Variants in KCNN2 observed in about 807,000 individuals in gnomAD.
KCNN2 encodes potassium calcium-activated channel subfamily N member 2, also known as small conductance calcium-activated potassium channel protein 2.
In KCNN2, 24 loss-of-function variants were observed where a neutral mutation model predicts 55.5. The observed-to-expected ratio is 0.43, with a 90% confidence interval of 0.31 to 0.61. KCNN2 has a LOEUF of 0.61. Ranked by LOEUF, KCNN2 falls within the 20% of genes least tolerant of loss-of-function variation. KCNN2 has a pLI of 0.08. For synonymous variants in KCNN2, 431 were observed against 336.1 expected, an observed-to-expected ratio of 1.28 and a Z score of -3.09; for missense variants, 754 against 853.6, an observed-to-expected ratio of 0.88 and a Z score of 1.45.
At chr5:114,274,840 C>A (rs1755450507) in intron 2 of KCNN2, among the ~76,000 whole-genome samples, 1 of 152,132 alleles carries the variant, frequency 6.6e-6, no homozygotes, top group Non-Finnish European at 1.5e-5. Context: ...TTTCTCTTGC[C>A]TGATTGCCCT....
chr5:114,106,643 G>GTTT lies in KCNN2; in HGVS notation c.-271+50157_-271+50159dup, dbSNP rs149036166. On this transcript the variant is annotated intron_variant, in intron 1 of 10. Transcript: ENST00000512097. The stretch of plus-strand genomic sequence containing the variant: ...TAATGGCACTGAGGATTTTCCAGTT[G>GTTT]TTTTTTTTTTTTTTTTGGTCATTTG... Among the ~76,000 whole-genome samples, 375 of 69,898 alleles carry GTTT rather than the reference G, an allele frequency of 5.4e-3. 5 individuals carry two copies. Among genetic ancestry groups the GTTT allele is most frequent in the African/African-American group, 0.013 (269 of 20,008 alleles). 45.9% of individuals were successfully genotyped at this position (69,898 alleles called of 152,430 possible).
intron 3 of KCNN2, among the ~76,000 whole-genome samples, chr5:114,406,994 C>T (rs1758956315): frequency 6.6e-6 from 1 of 152,084 alleles, no homozygotes; most frequent in Admixed American, 6.5e-5. Context: ...CCATTTTCTT[C>T]TGGTATTCAG....
chr5:114,087,600 C>A (rs547527387), intron 1 of KCNN2, among the ~76,000 whole-genome samples: 1 of 151,934 alleles, frequency 6.6e-6, no homozygotes. Flanking sequence ...TGTCATAGTT[C>A]ATTCTTATTT....
intron 1 of KCNN2, among the ~76,000 whole-genome samples, chr5:114,168,064 T>G (rs183386342): frequency 1.3e-4 from 20 of 152,160 alleles, no homozygotes; most frequent in Non-Finnish European, 2.5e-4. Flanking sequence ...TGATTTATAT[T>G]CACTTGTTGA....
At chr5:114,447,683 A>G (rs1184389178) in intron 3 of KCNN2, among the ~76,000 whole-genome samples, 1 of 152,188 alleles carries the variant, frequency 6.6e-6, no homozygotes, top group East Asian at 1.9e-4. Flanking sequence ...ATGGGGAAAA[A>G]AAAAGTTTGT....
At chr5:114,457,064 A>T (rs771661976) in intron 3 of KCNN2, among the ~76,000 whole-genome samples, 1 of 152,218 alleles carries the variant, frequency 6.6e-6, no homozygotes, top group Non-Finnish European at 1.5e-5. Flanking sequence ...ATTTTGAAAG[A>T]AGTTCTATGG....
At position 114,401,162 on chromosome 5, in the gene KCNN2, A is replaced by C. The variant is rs1470602512; in HGVS notation, c.1219-3276A>C. ...GGGTCAGGATTATGTGGAGAATACA[A>C]GTAAATATTTTTCCTCAATTTCAGC... On this transcript the variant is annotated intron_variant, in intron 2 of 7. Coordinates refer to ENST00000673685, the MANE Select transcript of KCNN2 (RefSeq NM_021614.4). Among the ~76,000 whole-genome samples the C allele has an allele frequency of 4.6e-5, 7 of 152,264 alleles. No individual in the cohort carries two copies. In the East Asian group the frequency reaches 1.2e-3, roughly 25 times the overall value.
chr5:114,316,456 C>T (rs954620024), intron 2 of KCNN2, among the ~76,000 whole-genome samples: 5 of 152,084 alleles, frequency 3.3e-5, no homozygotes, highest in African/African-American at 7.2e-5. Flanking sequence ...CAGATACCAA[C>T]GTGTAGGCTC....
chr5:114,127,726 A>G (rs1246085957), intron 1 of KCNN2, among the ~76,000 whole-genome samples: 2 of 152,124 alleles, frequency 1.3e-5, no homozygotes, highest in Admixed American at 6.6e-5. Context: ...CTTGTTTTCT[A>G]TTGCCTCATC....
At chr5:114,276,802 G>A (rs1403011850) in intron 2 of KCNN2, among the ~76,000 whole-genome samples, 6 of 152,082 alleles carry the variant, frequency 3.9e-5, no homozygotes, top group Admixed American at 2.6e-4. Context: ...TTGCTTGTCA[G>A]TGTCTTTTGA....
At chr5:114,261,623 A>G (rs1025315102) in intron 2 of KCNN2, among the ~76,000 whole-genome samples, 2 of 152,206 alleles carry the variant, frequency 1.3e-5, no homozygotes. Flanking sequence ...ATTTTCTCTG[A>G]GAATTATTTT....
At chr5:114,395,688 A>G (rs1472632373) in intron 2 of KCNN2, among the ~76,000 whole-genome samples, 8 of 152,152 alleles carry the variant, frequency 5.3e-5, no homozygotes, top group South Asian at 2.1e-4. Context: ...CATTTTCTTT[A>G]TAGAATTGAG....
At chr5:114,326,070 G>C (rs150163595) in intron 2 of KCNN2, among the ~76,000 whole-genome samples, 32 of 152,286 alleles carry the variant, frequency 2.1e-4, no homozygotes, top group African/African-American at 7.2e-4. Context: ...AATGAATTAT[G>C]AAAAATATTA....
intron 5 of KCNN2, among the ~76,000 whole-genome samples, chr5:114,479,884 G>A (rs1488596801): frequency 6.6e-6 from 1 of 152,132 alleles, no homozygotes; most frequent in African/African-American, 2.4e-5. Flanking sequence ...CTAAAGCAGT[G>A]TTAAGAAGGA....
chr5:114,403,568 C>T (rs1438423584), intron 2 of KCNN2, among the ~76,000 whole-genome samples: 1 of 152,146 alleles, frequency 6.6e-6, no homozygotes, highest in African/African-American at 2.4e-5. Flanking sequence ...TCAGAAAAGC[C>T]ATCACACATT....
chr5:114,273,041 C>T (rs536079693), intron 2 of KCNN2, among the ~76,000 whole-genome samples: 28 of 152,144 alleles, frequency 1.8e-4, no homozygotes, highest in African/African-American at 3.4e-4. Flanking sequence ...CAACACCCCC[C>T]ACAGGCCCTG....
At chr5:114,233,138 T>G (rs13186315) in intron 2 of KCNN2, among the ~76,000 whole-genome samples, 1 of 150,218 alleles carries the variant, frequency 6.7e-6, no homozygotes, top group African/African-American at 2.5e-5. Context: ...GCCGGGATGG[T>G]CTCGATCTCC....
At chr5:114,441,027 G>T (rs1332455815) in intron 3 of KCNN2, among the ~76,000 whole-genome samples, 1 of 152,086 alleles carries the variant, frequency 6.6e-6, no homozygotes, top group Non-Finnish European at 1.5e-5. Flanking sequence ...TTACCAAAAT[G>T]AGTTTAGTGT....
At chr5:114,252,576 C>T (rs917597624) in intron 2 of KCNN2, among the ~76,000 whole-genome samples, 5 of 151,762 alleles carry the variant, frequency 3.3e-5, no homozygotes, top group South Asian at 2.1e-4. Flanking sequence ...TAGTTTTATC[C>T]CATTTGAGAA....
Sources: gnomAD v4.1 joint callset for allele counts (sites outside exome capture counted in the v4.1 genomes callset) on GRCh38, gnomAD v4.1.1 for gene constraint, MANE v1.5 for transcripts, NCBI Gene and HGNC (gene_info 2026-07-23, HGNC 2026-07-21) for gene names.